Variants in ZNF385D observed in about 807,000 individuals in gnomAD.
The protein encoded by ZNF385D is zinc finger protein 385D, also known as zinc finger protein 659.
Under a neutral mutation model 35.8 loss-of-function variants are expected in ZNF385D, and 15 were observed. That is an observed-to-expected ratio of 0.42 (90% CI 0.28 to 0.64). ZNF385D has a LOEUF of 0.64. ZNF385D is among the 30% of genes least tolerant of loss of function. ZNF385D has a pLI of 0.23. For synonymous variants in ZNF385D, 212 were observed against 186.8 expected, an observed-to-expected ratio of 1.13 and a Z score of -1.10; for missense variants, 474 against 494.6, an observed-to-expected ratio of 0.96 and a Z score of 0.39.
At chr3:21,755,149 G>T (rs572897367), upstream of ZNF385D, among the ~76,000 whole-genome samples, 1 of 152,300 alleles carries the variant, frequency 6.6e-6, no homozygotes, top group African/African-American at 2.4e-5. Context: ...GCTCAGTTGT[G>T]TCTTCCATTG....
chr3:22,329,544 A>G (rs1056961419), intron 2 of ZNF385D, among the ~76,000 whole-genome samples: 1 of 152,178 alleles, frequency 6.6e-6, no homozygotes, highest in Non-Finnish European at 1.5e-5. Flanking sequence ...GATGCTACAT[A>G]TACCTAATCC....
At chr3:21,954,091 T>A (rs1702181873) in intron 3 of ZNF385D, among the ~76,000 whole-genome samples, 1 of 151,934 alleles carries the variant, frequency 6.6e-6, no homozygotes, top group South Asian at 2.1e-4. Context: ...AGTGCTGCCC[T>A]CCATCCCCAT....
chr3:21,808,035 T>A (rs992724805), intron 3 of ZNF385D, among the ~76,000 whole-genome samples: 1 of 152,214 alleles, frequency 6.6e-6, no homozygotes, highest in Non-Finnish European at 1.5e-5. Context: ...CTAAGTAGTA[T>A]AGATTTTACT....
chr3:22,235,334 C>A (rs560134766), intron 2 of ZNF385D, among the ~76,000 whole-genome samples: 1 of 151,938 alleles, frequency 6.6e-6, no homozygotes, highest in Non-Finnish European at 1.5e-5. Context: ...AAAGAAAGTA[C>A]CTGTGCATGT....
At chr3:21,848,439 A>G (rs1696156033) in intron 3 of ZNF385D, among the ~76,000 whole-genome samples, 1 of 151,818 alleles carries the variant, frequency 6.6e-6, no homozygotes, top group Admixed American at 6.6e-5. Context: ...ATAGAAAAAC[A>G]ACAAATATAT....
At chr3:22,275,941 T>C (rs759459651) in intron 2 of ZNF385D, among the ~76,000 whole-genome samples, 5 of 152,006 alleles carry the variant, frequency 3.3e-5, no homozygotes, top group Non-Finnish European at 7.4e-5. Context: ...AAAAATTAGC[T>C]GGGCATGGTG....
At chr3:21,920,321 T>C (rs1700392434) in intron 3 of ZNF385D, among the ~76,000 whole-genome samples, 1 of 152,138 alleles carries the variant, frequency 6.6e-6, no homozygotes, top group African/African-American at 2.4e-5. Context: ...GTATGATAAA[T>C]ATTTTTGAAG....
chr3:21,846,095 C>A (rs908124202), intron 3 of ZNF385D, among the ~76,000 whole-genome samples: 1 of 151,878 alleles, frequency 6.6e-6, no homozygotes, highest in African/African-American at 2.4e-5. Flanking sequence ...ATCGGGGTCA[C>A]AGGAGTTGGA....
rs1192592955 is a variant in ZNF385D, at chr3:21,964,014, A to C, written c.325+204803T>G. On this transcript the variant is annotated intron_variant, in intron 3 of 5. Coordinates refer to the ZNF385D transcript ENST00000494108. ...CAAAAGCGACTAAGTATTACATTAA[A>C]TATTCATTTAATTGCGGGCAAAGTA... 2.0e-5 allele frequency among the ~76,000 whole-genome samples: 3 copies of C among 152,202 alleles called. No individual in the cohort carries two copies. The South Asian group carries it at 6.2e-4, about 31-fold the overall frequency.
At chr3:21,839,749 G>A (rs1305649799) in intron 3 of ZNF385D, among the ~76,000 whole-genome samples, 3 of 151,948 alleles carry the variant, frequency 2.0e-5, no homozygotes, top group African/African-American at 7.2e-5. Context: ...TGTAGCAGTG[G>A]AAAAAGTGAT....
At chr3:22,259,480 A>C (rs968664628) in intron 2 of ZNF385D, among the ~76,000 whole-genome samples, 1 of 151,990 alleles carries the variant, frequency 6.6e-6, no homozygotes, top group Non-Finnish European at 1.5e-5. Flanking sequence ...GATAAAATGC[A>C]AGTAGTTTAG....
At position 21,960,043 on chromosome 3, in the gene ZNF385D, A is replaced by G. The variant is rs537618470; in HGVS notation, c.325+208774T>C. On this transcript the variant is annotated intron_variant, in intron 3 of 5. Coordinates refer to the ZNF385D transcript ENST00000494108. ...CCTCCAAAAAAAAAAAAAAAAAGAC[A>G]AATGGACTATTTTAAGCCAAAAATC... 4.6e-5 allele frequency among the ~76,000 whole-genome samples: 7 copies of G among 151,984 alleles called. No individual in the cohort carries two copies. The South Asian group carries it at 1.5e-3, about 32-fold the overall frequency.
intron 5 of ZNF385D, among the ~76,000 whole-genome samples, chr3:21,426,748 C>G (rs1701044386): frequency 6.6e-6 from 1 of 152,070 alleles, no homozygotes; most frequent in Admixed American, 6.6e-5. Context: ...CCCAGAACCA[C>G]TAAATGTTAA....
intron 3 of ZNF385D, among the ~76,000 whole-genome samples, chr3:21,822,130 C>T (rs1030578057): frequency 6.6e-6 from 1 of 151,928 alleles, no homozygotes; most frequent in Admixed American, 6.6e-5. Context: ...GGAGTGCAGT[C>T]GTGTGATCTT....
intron 2 of ZNF385D, among the ~76,000 whole-genome samples, chr3:21,655,250 A>G (rs1390648411): frequency 6.6e-6 from 1 of 152,018 alleles, no homozygotes; most frequent in Non-Finnish European, 1.5e-5. Flanking sequence ...GGTCAATATG[A>G]TTATTCTAGT....
intron 3 of ZNF385D, among the ~76,000 whole-genome samples, chr3:21,845,474 A>C (rs1695948406): frequency 6.6e-6 from 1 of 151,946 alleles, no homozygotes; most frequent in South Asian, 2.1e-4. Flanking sequence ...CTACTCCCTC[A>C]GCTGATACAA....
chr3:22,353,770 G>A (rs1696023349), intron 2 of ZNF385D, among the ~76,000 whole-genome samples: 1 of 151,992 alleles, frequency 6.6e-6, no homozygotes, highest in Non-Finnish European at 1.5e-5. Context: ...TCCTACCTCA[G>A]CCACACTCTC....
intron 1 of ZNF385D, among the ~76,000 whole-genome samples, chr3:21,709,370 A>G (rs1013743018): frequency 1.3e-5 from 2 of 152,126 alleles, no homozygotes; most frequent in African/African-American, 4.8e-5. Flanking sequence ...CTTTTTACTA[A>G]TAATTTAGTC....
intron 3 of ZNF385D, among the ~76,000 whole-genome samples, chr3:22,153,193 C>A (rs1475659942): frequency 2.6e-5 from 4 of 152,054 alleles, no homozygotes; most frequent in Non-Finnish European, 5.9e-5. Flanking sequence ...TGGGAATGGT[C>A]CAACAGAGAA....
Sources: gnomAD v4.1 joint callset for allele counts (sites outside exome capture counted in the v4.1 genomes callset) on GRCh38, gnomAD v4.1.1 for gene constraint, MANE v1.5 for transcripts, NCBI Gene and HGNC (gene_info 2026-07-23, HGNC 2026-07-21) for gene names.